CFAP20DC: variants seen among roughly 807,000 people sequenced by gnomAD.
CFAP20DC encodes CFAP20 domain containing.
A neutral mutation model predicts 101.7 loss-of-function variants in CFAP20DC; 84 were observed. That is an observed-to-expected ratio of 0.83 (90% CI 0.69 to 0.99). CFAP20DC has a LOEUF of 0.99. Among genes scored for constraint, CFAP20DC ranks in the 50% least tolerant of loss-of-function variants. The pLI, the probability that CFAP20DC is intolerant of heterozygous loss-of-function variation, is 0.00. For synonymous variants in CFAP20DC, 359 were observed against 351.2 expected (o/e 1.02, Z -0.25); for missense variants, 1,007 against 970.3 (o/e 1.04, Z -0.50).
intron 4 of CFAP20DC, among the ~76,000 whole-genome samples, chr3:58,938,107 T>C (rs1053745283): frequency 6.6e-6 from 1 of 152,206 alleles, no homozygotes; most frequent in African/African-American, 2.4e-5. Context: ...CTTAAGCTTG[T>C]GTTATCTTGG....
chr3:58,789,031 C>A (rs2072624604), intron 15 of CFAP20DC, among the ~76,000 whole-genome samples: 1 of 152,130 alleles, frequency 6.6e-6, no homozygotes, highest in African/African-American at 2.4e-5. Flanking sequence ...TAAAATGTAT[C>A]AATTCCACAC....
intron 14 of CFAP20DC, among the ~76,000 whole-genome samples, chr3:58,813,095 G>T (rs1220548482): frequency 1.3e-5 from 2 of 151,702 alleles, no homozygotes; most frequent in Non-Finnish European, 2.9e-5. Flanking sequence ...GTAAATCTTA[G>T]GTCAAGGCAG....
intron 4 of CFAP20DC, among the ~76,000 whole-genome samples, chr3:59,025,565 T>C (rs1003572543): frequency 2.0e-5 from 3 of 152,150 alleles, no homozygotes; most frequent in African/African-American, 7.2e-5. Context: ...CCCTCTTAAC[T>C]ACCCAAAAAA....
At chr3:58,870,894 CAAAAAAAAAAAAAA>C (rs548763648) in intron 7 of CFAP20DC, among the ~76,000 whole-genome samples, 1 of 18,952 alleles carries the variant, frequency 5.3e-5, no homozygotes, top group Non-Finnish European at 1.6e-4. Flanking sequence ...GACTCCGTCT[CAAAAAAAAAAAAAA>C]AAAAAAAAAA....
chr3:58,820,766 C>T (rs1158119399), intron 14 of CFAP20DC, among the ~76,000 whole-genome samples: 2 of 146,666 alleles, frequency 1.4e-5, no homozygotes, highest in Non-Finnish European at 3.0e-5. Flanking sequence ...CTACCAATGA[C>T]TTTCTTCACA....
At chr3:58,807,138 C>G (rs188839967) in intron 14 of CFAP20DC, among the ~76,000 whole-genome samples, 129 of 152,278 alleles carry the variant, frequency 8.5e-4, no homozygotes, top group African/African-American at 2.9e-3. Flanking sequence ...CCTCTGGGGG[C>G]GGGGCACAGA....
chr3:58,932,871 A>G (rs1052256980), intron 5 of CFAP20DC, among the ~76,000 whole-genome samples: 4 of 152,214 alleles, frequency 2.6e-5, no homozygotes, highest in African/African-American at 9.7e-5. Flanking sequence ...TCAACTAATG[A>G]GCAAAATACC....
Position 58,963,935 on chromosome 3 carries a change from T to C in CFAP20DC, c.279-26173A>G, listed in dbSNP as rs144398898. On this transcript the variant is annotated intron_variant, in intron 4 of 16. Transcript: ENST00000482387. ...AGCATTTATGTTAAAATAGAAGTTA[T>C]AAGACTGAAAGAACAGACTCTGTGG... 8.3e-4 allele frequency among the ~76,000 whole-genome samples: 126 copies of C among 152,288 alleles called. 1 individual carries two copies. The highest frequency in any genetic ancestry group is 2.9e-3 in the African/African-American group (119 of 41,554).
intron 4 of CFAP20DC, among the ~76,000 whole-genome samples, chr3:58,963,192 G>GTT: frequency 2.0e-5 from 2 of 98,184 alleles, no homozygotes. Flanking sequence ...TCAGTAGTTT[G>GTT]TGTGTGTGTG....
At chr3:58,790,069 CAG>C (rs1184425150) in intron 15 of CFAP20DC, among the ~76,000 whole-genome samples, 1 of 152,012 alleles carries the variant, frequency 6.6e-6, no homozygotes, top group Non-Finnish European at 1.5e-5. Context: ...GTAATGTAAA[CAG>C]AGAAAAATGC....
At chr3:59,013,969 G>T (rs1011156060) in intron 4 of CFAP20DC, among the ~76,000 whole-genome samples, 1 of 152,138 alleles carries the variant, frequency 6.6e-6, no homozygotes, top group Non-Finnish European at 1.5e-5. Flanking sequence ...ATTCAATGAC[G>T]TATGGAAGGA....
chr3:59,035,078 G>A (rs991991965), intron 4 of CFAP20DC, among the ~76,000 whole-genome samples: 1 of 152,160 alleles, frequency 6.6e-6, no homozygotes, highest in Non-Finnish European at 1.5e-5. Flanking sequence ...TGAACAACCT[G>A]CTCTTGAATG....
At chr3:58,744,160 T>C (rs1210677300) in intron 16 of CFAP20DC, among the ~76,000 whole-genome samples, 1 of 152,188 alleles carries the variant, frequency 6.6e-6, no homozygotes, top group African/African-American at 2.4e-5. Context: ...CTCTTTCTCA[T>C]GTAGTAGTTC....
At chr3:59,024,014 T>A (rs1333412473) in intron 4 of CFAP20DC, among the ~76,000 whole-genome samples, 1 of 152,078 alleles carries the variant, frequency 6.6e-6, no homozygotes, top group Admixed American at 6.5e-5. Context: ...TTCAGAAGTG[T>A]CTAAAAAGCA....
chr3:58,766,966 G>A (rs2107455893), intron 15 of CFAP20DC, among the ~76,000 whole-genome samples: 1 of 152,284 alleles, frequency 6.6e-6, no homozygotes, highest in South Asian at 2.1e-4. Flanking sequence ...TTCTTTTAGA[G>A]CAACTGTGAT....
At chr3:58,856,083 A>C (rs888087985) in intron 12 of CFAP20DC, among the ~76,000 whole-genome samples, 1 of 149,342 alleles carries the variant, frequency 6.7e-6, no homozygotes, top group Non-Finnish European at 1.5e-5. Flanking sequence ...ATAATACTGA[A>C]ATAGCTAAAG....
chr3:58,987,867 G>C (rs1306461348), intron 4 of CFAP20DC, among the ~76,000 whole-genome samples: 1 of 151,968 alleles, frequency 6.6e-6, no homozygotes, highest in African/African-American at 2.4e-5. Flanking sequence ...ACCAGGTCCA[G>C]AGGTTTTAAA....
chr3:58,814,040 A>C (rs1027759694), intron 14 of CFAP20DC, among the ~76,000 whole-genome samples: 1 of 151,922 alleles, frequency 6.6e-6, no homozygotes, highest in African/African-American at 2.4e-5. Context: ...AAATACTCCC[A>C]ATAACAAATT....
intron 4 of CFAP20DC, among the ~76,000 whole-genome samples, chr3:59,013,820 T>C (rs1213271919): frequency 1.3e-5 from 2 of 152,170 alleles, no homozygotes; most frequent in Non-Finnish European, 2.9e-5. Context: ...ACATGCACAA[T>C]TACTAACAGT....
Sources: allele counts gnomAD v4.1 joint callset (sites outside exome capture counted in the v4.1 genomes callset), GRCh38; gene constraint gnomAD v4.1.1; transcripts MANE v1.5; gene names NCBI Gene and HGNC (gene_info 2026-07-23, HGNC 2026-07-21).